PATJ: variants seen among roughly 807,000 people sequenced by gnomAD.
The protein encoded by PATJ is PATJ crumbs cell polarity complex component.
Under a neutral mutation model 224.9 loss-of-function variants are expected in PATJ, and 190 were observed. That is an observed-to-expected ratio of 0.84 (90% confidence interval 0.75 to 0.95). The LOEUF (loss-of-function observed/expected upper bound fraction) is 0.95. Ranked by LOEUF, PATJ falls within the 40% of genes least tolerant of loss-of-function variation. The pLI is 0.00. For synonymous variants in PATJ, 769 were observed against 820.3 expected (o/e 0.94, Z 1.07); for missense variants, 2,121 against 2,270.3 (o/e 0.93, Z 1.34).
chr1:62,145,584 CAGG>C (rs753144321), intron 41 of PATJ, among the ~76,000 whole-genome samples: 6 of 152,062 alleles, frequency 3.9e-5, no homozygotes, highest in Non-Finnish European at 7.4e-5. Flanking sequence ...CTCTTGAGCC[CAGG>C]AGGTCAAGGC....
intron 28 of PATJ, among the ~76,000 whole-genome samples, chr1:62,001,570 C>T (rs1399877191): frequency 2.0e-5 from 3 of 151,294 alleles, no homozygotes; most frequent in Admixed American, 1.3e-4. Context: ...GGTACCAGTA[C>T]CATGCTGTTA....
At chr1:62,017,689 A>G (rs1570078554) in intron 28 of PATJ, among the ~76,000 whole-genome samples, 167 bp from the exon 29 acceptor site, 1 of 148,738 alleles carries the variant, frequency 6.7e-6, no homozygotes, top group African/African-American at 2.5e-5. Context: ...CCAAGATTGC[A>G]CCATTGCACT....
chr1:62,065,731 C>T (rs1401134809), intron 31 of PATJ, among the ~76,000 whole-genome samples: 1 of 152,184 alleles, frequency 6.6e-6, no homozygotes, highest in South Asian at 2.1e-4. Context: ...GAATCACTTG[C>T]TTATCAGATT....
intron 33 of PATJ, among the ~76,000 whole-genome samples, chr1:62,090,774 C>T (rs1330754006): frequency 6.6e-6 from 1 of 152,168 alleles, no homozygotes; most frequent in Admixed American, 6.5e-5. Context: ...AAATGAAAGA[C>T]CAAGGCCTCT....
chr1:61,898,016 T>TGAGGCCTAATACTAAGTC (rs1670620011), intron 22 of PATJ, among the ~76,000 whole-genome samples: 1 of 152,134 alleles, frequency 6.6e-6, no homozygotes, highest in Admixed American at 6.5e-5. Flanking sequence ...CTTACAACAG[T>TGAGGCCTAATACTAAGTC]TTTATCCTAG....
At chr1:61,853,945 A>G (rs1663238532) in intron 17 of PATJ, among the ~76,000 whole-genome samples, 1 of 152,194 alleles carries the variant, frequency 6.6e-6, no homozygotes, top group Non-Finnish European at 1.5e-5. Context: ...GTAGAAAGGC[A>G]GGGTTAGTTG....
chr1:61,860,588 C>T (rs1003884930), intron 18 of PATJ, among the ~76,000 whole-genome samples: 4 of 152,026 alleles, frequency 2.6e-5, no homozygotes, highest in African/African-American at 4.8e-5. Context: ...CTTTGGGAGG[C>T]GGAGGCGGGC....
At chr1:61,987,020 G>C (rs191850199) in intron 27 of PATJ, among the ~76,000 whole-genome samples, 2 of 151,388 alleles carry the variant, frequency 1.3e-5, no homozygotes, top group East Asian at 3.9e-4. Flanking sequence ...TTCTTCTTTA[G>C]CTGTGTCTCT....
intron 18 of PATJ, among the ~76,000 whole-genome samples, chr1:61,858,844 A>G (rs1480164102): frequency 6.6e-6 from 1 of 152,232 alleles, no homozygotes; most frequent in Non-Finnish European, 1.5e-5. Context: ...TGGCCTGTGT[A>G]TTACATCTAT....
In PATJ at chr1:61,864,593, C is replaced by T; in HGVS notation, c.2795C>T (p.Ser932Phe). Residue 932 changes from serine (S) to phenylalanine (F), a missense_variant, in exon 20 of 44, where the codon TCC becomes TTC. By Grantham distance (155) the Ser-to-Phe change is radical. Transcript: ENST00000642238. Reference protein sequence around the residue: ...QEARTGRTVYSQEAQPYGYCP... With the variant: ...QEARTGRTVYFQEAQPYGYCP... ...GCAAGAACCGGGAGGACTGTCTATT[C>T]CCAGGAGGCACAGCCGTATGGCTAT... is the stretch of plus-strand genomic sequence containing the variant. 1 of 1,605,940 alleles carries T rather than the reference C, an allele frequency of 6.2e-7. No homozygotes were observed. The highest frequency in any genetic ancestry group is 8.5e-7 in the Non-Finnish European group (1 of 1,177,056).
At chr1:61,809,465 G>A (rs1044079256) in intron 14 of PATJ, among the ~76,000 whole-genome samples, 3 of 148,726 alleles carry the variant, frequency 2.0e-5, no homozygotes, top group Admixed American at 6.8e-5. Flanking sequence ...TTGGCTCACC[G>A]CAACCTCTGC....
chr1:62,109,643 C>T (rs76951600), intron 34 of PATJ, among the ~76,000 whole-genome samples: 2,707 of 152,140 alleles, frequency 0.018, 87 homozygotes, highest in African/African-American at 0.061. Flanking sequence ...TTTGTTTTTC[C>T]CTCCCTAGAT....
chr1:61,852,741 C>A (rs1266349157), intron 17 of PATJ: 1 of 152,064 alleles, frequency 6.6e-6, no homozygotes, highest in Non-Finnish European at 1.5e-5. Flanking sequence ...TGAGAAGCAG[C>A]CTGAGTCAGG....
intron 31 of PATJ, among the ~76,000 whole-genome samples, chr1:62,053,926 C>G (rs1654095979): frequency 6.6e-6 from 1 of 152,162 alleles, no homozygotes; most frequent in African/African-American, 2.4e-5. Flanking sequence ...GTTCCAGGTA[C>G]TGAAGATACC....
chr1:61,969,516 G>A (rs538882790), intron 27 of PATJ, among the ~76,000 whole-genome samples: 1 of 152,216 alleles, frequency 6.6e-6, no homozygotes, highest in African/African-American at 2.4e-5. Context: ...TGTATACCAT[G>A]TTTGGAGAAA....
intron 25 of PATJ, among the ~76,000 whole-genome samples, chr1:61,910,533 ACT>A (rs1672466636): frequency 1.7e-5 from 1 of 60,020 alleles, no homozygotes; most frequent in Non-Finnish European, 3.6e-5. Context: ...GGGCAAAGTG[ACT>A]CTTTTTTTTT....
chr1:62,040,945 G>GTTTAA (rs1651376919), intron 30 of PATJ, among the ~76,000 whole-genome samples: 1 of 152,194 alleles, frequency 6.6e-6, no homozygotes, highest in Admixed American at 6.5e-5. Flanking sequence ...AATGACATAT[G>GTTTAA]TGTTTCTTAT....
At chr1:61,864,710 T>C in intron 20 of PATJ, 77 bp downstream of exon 20, 1 of 1,325,482 alleles carries the variant, frequency 7.5e-7, no homozygotes, top group South Asian at 1.5e-5. Flanking sequence ...TCATGTCACT[T>C]CAATGTTGTT....
chr1:61,882,273 T>C lies in PATJ; in HGVS notation c.2960-1964T>C, dbSNP rs1668208089. ...GCTGACTGTTTTCATAGGGTAACAT[T>C]TGACTGACACGTGAGTAAAGTAAGC... On this transcript the variant is annotated intron_variant, in intron 21 of 43. Coordinates refer to ENST00000642238, the MANE Select transcript of PATJ (RefSeq NM_001350145.3). 2.6e-5 allele frequency among the ~76,000 whole-genome samples: 4 copies of C among 152,182 alleles called. No individual in the cohort carries two copies. In the South Asian group the frequency reaches 8.3e-4, roughly 32 times the overall value.
Sources: gnomAD v4.1 joint callset for allele counts (sites outside exome capture counted in the v4.1 genomes callset) on GRCh38, gnomAD v4.1.1 for gene constraint, MANE v1.5 for transcripts, NCBI Gene and HGNC (gene_info 2026-07-23, HGNC 2026-07-21) for gene names.